Variants in MICAL2 observed in about 807,000 individuals in gnomAD.
MICAL2 encodes the protein [F-actin]-monooxygenase MICAL2.
MICAL2 carries 77 observed loss-of-function variants against 127.3 expected under a neutral mutation model. That is an observed-to-expected ratio of 0.60 (90% CI 0.50 to 0.73). The LOEUF (loss-of-function observed/expected upper bound fraction) is 0.73. Among genes scored for constraint, MICAL2 ranks in the 30% least tolerant of loss-of-function variants. The probability of loss-of-function intolerance (pLI) is 0.00; values close to 1 mark genes in which losing one functional copy is unlikely to be tolerated. For missense variants in MICAL2, 1,351 were observed against 1,434.4 expected, an observed-to-expected ratio of 0.94 and a Z score of 0.94; for synonymous variants, 570 against 551.1, an observed-to-expected ratio of 1.03 and a Z score of -0.48.
At chr11:12,327,622 G>A (rs1864369484) in intron 32 of MICAL2, among the ~76,000 whole-genome samples, 1 of 152,044 alleles carries the variant, frequency 6.6e-6, no homozygotes, top group Admixed American at 6.6e-5. Flanking sequence ...GGGTATTGGA[G>A]CAGTGTTGGT....
chr11:12,338,816 A>C (rs988891449), intron 32 of MICAL2, among the ~76,000 whole-genome samples: 2 of 152,206 alleles, frequency 1.3e-5, no homozygotes, highest in African/African-American at 4.8e-5. Context: ...GTTTCTGCGG[A>C]GAGATCAGCT....
At chr11:12,317,094 C>T (rs1003301406) in intron 29 of MICAL2, among the ~76,000 whole-genome samples, 14 of 152,188 alleles carry the variant, frequency 9.2e-5, no homozygotes, top group African/African-American at 3.1e-4. Flanking sequence ...GCAATAGACT[C>T]AAGGGGATTT....
At chr11:12,141,957 C>T (rs563297760) in intron 2 of MICAL2, among the ~76,000 whole-genome samples, 3 of 152,356 alleles carry the variant, frequency 2.0e-5, no homozygotes, top group Non-Finnish European at 2.9e-5. Flanking sequence ...AAAAGAACGA[C>T]AGATCCTTTA....
chr11:12,350,183 T>A (rs1939022887), intron 33 of MICAL2, among the ~76,000 whole-genome samples: 1 of 152,226 alleles, frequency 6.6e-6, no homozygotes, highest in Non-Finnish European at 1.5e-5. Flanking sequence ...GGTCTGGAGC[T>A]GAAGGTCATT....
chr11:12,268,979 A>T (rs1863641166), intron 24 of MICAL2, among the ~76,000 whole-genome samples: 1 of 152,074 alleles, frequency 6.6e-6, no homozygotes, highest in South Asian at 2.1e-4. Context: ...AGCCTCGGCG[A>T]CGAGCGAGAC....
chr11:12,114,218 T>C (rs141165992), intron 1 of MICAL2, among the ~76,000 whole-genome samples: 1 of 152,262 alleles, frequency 6.6e-6, no homozygotes, highest in Admixed American at 6.5e-5. Context: ...ATTCCTGAGA[T>C]ATTTTAAAGC....
intron 15 of MICAL2, among the ~76,000 whole-genome samples, chr11:12,229,664 C>G (rs1302703749): frequency 1.3e-5 from 2 of 152,250 alleles, no homozygotes; most frequent in African/African-American, 4.8e-5. Context: ...GCCTGGCCAG[C>G]ACTGGCTTGG....
chr11:12,355,663 T>G (rs1294054225), intron 34 of MICAL2, among the ~76,000 whole-genome samples: 1 of 152,198 alleles, frequency 6.6e-6, no homozygotes, highest in Non-Finnish European at 1.5e-5. Context: ...ATCACTGATT[T>G]GTATTTAGGT....
At chr11:12,150,916 G>C (rs1460324699) in intron 2 of MICAL2, among the ~76,000 whole-genome samples, 1 of 152,184 alleles carries the variant, frequency 6.6e-6, no homozygotes, top group Non-Finnish European at 1.5e-5. Context: ...TGAGGTGGTA[G>C]GAGTTATCCC....
At chr11:12,357,603 C>T (rs1939148064) in intron 34 of MICAL2, among the ~76,000 whole-genome samples, 1 of 152,066 alleles carries the variant, frequency 6.6e-6, no homozygotes, top group Non-Finnish European at 1.5e-5. Flanking sequence ...CTTTGGGAGG[C>T]TTAGGTGGGC....
intron 29 of MICAL2, among the ~76,000 whole-genome samples, chr11:12,304,637 A>AACACACACAC (rs57280679): frequency 2.3e-5 from 3 of 128,822 alleles, no homozygotes; most frequent in African/African-American, 9.5e-5. Flanking sequence ...CTCTGTCTCA[A>AACACACACAC]ACACACACAC....
intron 26 of MICAL2, 119 bp from the exon 27 acceptor site, chr11:12,262,361 C>G (rs572205293): frequency 5.8e-6 from 9 of 1,558,656 alleles, no homozygotes; most frequent in Non-Finnish European, 6.9e-6. Flanking sequence ...CTCTTTCAAT[C>G]GTGGCCTTAT....
At chr11:12,292,702 C>A (rs2134785647), downstream of MICAL2, among the ~76,000 whole-genome samples, 1 of 152,320 alleles carries the variant, frequency 6.6e-6, no homozygotes, top group South Asian at 2.1e-4. Context: ...AGCAACATCT[C>A]CCTTGAATAT....
chr11:12,323,087 A>G (rs1864317504), intron 30 of MICAL2, among the ~76,000 whole-genome samples: 1 of 151,996 alleles, frequency 6.6e-6, no homozygotes, highest in Admixed American at 6.6e-5. Flanking sequence ...TATTTCTCCC[A>G]TTTTTAAGTG....
chr11:12,291,198 G>T (rs910421587), downstream of MICAL2, among the ~76,000 whole-genome samples: 1 of 152,122 alleles, frequency 6.6e-6, no homozygotes, highest in Non-Finnish European at 1.5e-5. Flanking sequence ...TGAGAGGGCA[G>T]ATCTGAAAAA....
At chr11:12,190,996 G>T (rs1028994297) in intron 3 of MICAL2, among the ~76,000 whole-genome samples, 3 of 152,192 alleles carry the variant, frequency 2.0e-5, no homozygotes, top group Admixed American at 1.3e-4. Context: ...TTGGGGTAAA[G>T]GTATGATTTG....
rs2134157595 is a variant in MICAL2, at chr11:12,208,082, C to T, written c.532C>T (p.His178Tyr). ...KVALMLGVEI[H>Y]VNVEFVKVLE... ...GGCCCTGATGCTGGGAGTTGAAATCCATGTGAATGTGGAGTTCGTGAAGGT... is the reference window on the plus strand; with the variant it reads ...GGCCCTGATGCTGGGAGTTGAAATCTATGTGAATGTGGAGTTCGTGAAGGT... The change falls in exon 5 of 28, where the codon CAT (histidine) becomes TAT (tyrosine). Residue 178 changes from histidine to tyrosine, a missense_variant. This residue lies in a region of MICAL2 where 599 missense variants were observed against 714.9 expected (regional missense o/e 0.84). Coordinates refer to ENST00000683283, the MANE Select transcript of MICAL2 (RefSeq NM_001282663.2). 6.2e-7 allele frequency: 1 copy of T among 1,614,186 alleles called. No individual in the cohort carries two copies. The highest frequency in any genetic ancestry group is 1.1e-5 in the South Asian group (1 of 91,086).
chr11:12,294,797 G>GATCCTCCTC, downstream of MICAL2: 1 of 1,497,988 alleles, frequency 6.7e-7, no homozygotes. Context: ...GCGCCAGGCA[G>GATCCTCCTC]CTCCTCCTCC....
chr11:12,339,237 C>T (rs1314089631), intron 32 of MICAL2, among the ~76,000 whole-genome samples: 1 of 152,162 alleles, frequency 6.6e-6, no homozygotes, highest in Non-Finnish European at 1.5e-5. Flanking sequence ...TCCAGTTGAT[C>T]GCGTCAGCTA....
Sources: allele counts gnomAD v4.1 joint callset (sites outside exome capture counted in the v4.1 genomes callset), GRCh38; gene constraint gnomAD v4.1.1; regional missense constraint gnomAD v4.1.1; transcripts MANE v1.5; gene names NCBI Gene and HGNC (gene_info 2026-07-23, HGNC 2026-07-21).